NEO1: variants seen among roughly 807,000 people sequenced by gnomAD.
NEO1 encodes the protein neogenin.
In NEO1, 63 loss-of-function variants were observed where a neutral mutation model predicts 159.7. The observed-to-expected ratio is 0.39, with a 90% CI of 0.32 to 0.49. The LOEUF (loss-of-function observed/expected upper bound fraction) is 0.49, where lower values mean the gene tolerates loss of function less well. NEO1 is among the 20% of genes least tolerant of loss of function. The probability of loss-of-function intolerance (pLI) is 0.85; values close to 1 mark genes in which losing one functional copy is unlikely to be tolerated. For missense variants in NEO1, 1,615 were observed against 1,831.0 expected (o/e 0.88, Z 2.15); for synonymous variants, 633 against 662.0 (o/e 0.96, Z 0.67).
In NEO1 at chr15:73,293,564, C is replaced by G. The variant is rs1418387622; in HGVS notation, c.3901+16C>G. Reference sequence around the variant, plus strand: ...AATTCCACAGGTGAGAGATGAGGATCAAGCCCAGATGGAAACCATTCCAAA... The same window carrying G: ...AATTCCACAGGTGAGAGATGAGGATGAAGCCCAGATGGAAACCATTCCAAA... On this transcript the variant is annotated intron_variant, in intron 26 of 28. Transcript: ENST00000261908. The G allele has an allele frequency of 6.2e-7, 1 of 1,610,560 alleles. No individual in the cohort carries two copies. Among genetic ancestry groups the G allele is most frequent in the Admixed American group, 1.7e-5 (1 of 59,780 alleles).
intron 9 of NEO1, among the ~76,000 whole-genome samples, chr15:73,246,317 A>G (rs1255412101): frequency 6.6e-6 from 1 of 152,176 alleles, no homozygotes; most frequent in African/African-American, 2.4e-5. Context: ...CAAGAACAAG[A>G]GGGCCATCAC....
chr15:73,286,264 G>C (rs1046928573), intron 23 of NEO1, among the ~76,000 whole-genome samples: 1 of 152,196 alleles, frequency 6.6e-6, no homozygotes, highest in Non-Finnish European at 1.5e-5. Flanking sequence ...CCAGCGACCT[G>C]TGTATTGCTA....
At position 73,270,144 on chromosome 15, in the gene NEO1, A is replaced by C; in HGVS notation, c.2629A>C (p.Asn877His). 1 of 1,614,190 alleles carries C rather than the reference A, an allele frequency of 6.2e-7. No homozygotes were observed. The highest frequency in any genetic ancestry group is 1.3e-5 in the African/African-American group (1 of 75,040). The change falls in exon 17 of 29, where the codon AAC becomes CAC. Residue 877 changes from asparagine to histidine, a missense_variant. Around this residue, in one of 3 missense-constraint regions of NEO1, gnomAD observed 1,018 missense variants for 1,115.4 expected, o/e 0.91. Coordinates refer to ENST00000261908, the MANE Select transcript of NEO1 (RefSeq NM_002499.4). ...HDTIRITWAD[N>H]SLPKHQKITD... ...CACCATCAGGATTACGTGGGCAGAC[A>C]ACTCGCTGCCCAAGCACCAGAAGAT...
chr15:73,302,682 A>G lies in NEO1; in HGVS notation c.4372A>G (p.Ile1458Val), dbSNP rs754500392. 2 of 1,614,048 alleles carry G rather than the reference A, an allele frequency of 1.2e-6. No individual in the cohort carries two copies. The highest frequency in any genetic ancestry group is 1.7e-5 in the Admixed American group (1 of 60,006). ...AGGACTAATGAAGGACCTAAACGCTATCACAACAGCATGACGACCTTCACC... is the reference window on the plus strand; with the variant it reads ...AGGACTAATGAAGGACCTAAACGCTGTCACAACAGCATGACGACCTTCACC... Reference protein sequence around the residue: ...LEGLMKDLNAITTA With the variant: ...LEGLMKDLNAVTTA Residue 1458 changes from isoleucine to valine, a missense_variant, in exon 29 of 29, where the codon ATC (isoleucine) becomes GTC (valine). Physicochemically the swap from Ile to Val is conservative, Grantham distance 29 (BLOSUM62 3). Around this residue, in one of 3 missense-constraint regions of NEO1, gnomAD observed 471 missense variants for 498.9 expected, o/e 0.94. Transcript: ENST00000261908.
In NEO1 at chr15:73,293,453, G is replaced by A; in HGVS notation, c.3806G>A (p.Ser1269Asn). The change falls in exon 26 of 29, where the codon AGC becomes AAC. Residue 1269 changes from serine to asparagine, a missense_variant. Physicochemically the swap from Ser to Asn is conservative, Grantham distance 46. Transcript: ENST00000261908. ...DNPHHHFHSS[S>N]LASPARSHLY... ...CCTCACCATCATTTCCACTCCAGCA[G>A]CCTCGCTTCTCCAGCTCGCAGTCAT... 4 of 1,614,158 alleles carry A rather than the reference G, an allele frequency of 2.5e-6. No individual in the cohort carries two copies. In the East Asian group the frequency reaches 8.9e-5, roughly 36 times the overall value.
chr15:73,245,548 A>G (rs1232220638), intron 9 of NEO1, among the ~76,000 whole-genome samples: 3 of 151,608 alleles, frequency 2.0e-5, no homozygotes, highest in Non-Finnish European at 4.4e-5. Context: ...CTTTCTTTTA[A>G]CACAAATTAC....
intron 1 of NEO1, among the ~76,000 whole-genome samples, chr15:73,059,121 C>T (rs1363025865): frequency 6.6e-6 from 1 of 152,010 alleles, no homozygotes; most frequent in East Asian, 1.9e-4. Flanking sequence ...TACAGTATTA[C>T]CAGAAATATT....
chr15:73,249,448 A>G, intron 10 of NEO1, 135 bp from the exon 11 acceptor site: 1 of 1,032,720 alleles, frequency 9.7e-7, no homozygotes, highest in South Asian at 1.8e-5. Flanking sequence ...ATCTGCTTTG[A>G]CTATTGAAGA....
intron 5 of NEO1, among the ~76,000 whole-genome samples, chr15:73,174,898 A>G (rs1358865809): frequency 6.6e-6 from 1 of 152,176 alleles, no homozygotes; most frequent in Non-Finnish European, 1.5e-5. Context: ...GTACAGATTT[A>G]TGTTTTCTGG....
chr15:73,227,108 G>A (rs78275740), intron 7 of NEO1, among the ~76,000 whole-genome samples: 8,545 of 152,260 alleles, frequency 0.056, 308 homozygotes, highest in Non-Finnish European at 0.066. Flanking sequence ...CAAATCTAAT[G>A]TATTGAAACT....
chr15:73,176,062 TA>T (rs996804280), intron 5 of NEO1, among the ~76,000 whole-genome samples: 12 of 152,194 alleles, frequency 7.9e-5, no homozygotes, highest in African/African-American at 2.2e-4. Flanking sequence ...TTATAGCTCT[TA>T]AAAAATGGTA....
At chr15:73,164,036 T>C (rs201583057) in intron 5 of NEO1, among the ~76,000 whole-genome samples, 1 of 149,668 alleles carries the variant, frequency 6.7e-6, no homozygotes, top group African/African-American at 2.5e-5. Context: ...TTTTTTTTCT[T>C]ATTTTTTTTG....
intron 26 of NEO1, among the ~76,000 whole-genome samples, chr15:73,295,147 A>ATATATATATATATATATATATATAT (rs1238740275): frequency 6.0e-5 from 6 of 100,566 alleles, no homozygotes; most frequent in Non-Finnish European, 6.9e-5. Flanking sequence ...TATATATGTA[A>ATATATATATATATATATATATATAT]AAATTTGGCC....
chr15:73,224,226 C>T (rs2038448667), intron 7 of NEO1, among the ~76,000 whole-genome samples: 1 of 152,136 alleles, frequency 6.6e-6, no homozygotes, highest in Non-Finnish European at 1.5e-5. Context: ...TCTCACAGCT[C>T]TTAAGATTCT....
chr15:73,211,978 C>A (rs114775948), intron 7 of NEO1, among the ~76,000 whole-genome samples: 13 of 152,154 alleles, frequency 8.5e-5, no homozygotes, highest in Non-Finnish European at 1.8e-4. Context: ...TTTGTGATTA[C>A]ATTGAGGTTA....
intron 1 of NEO1, among the ~76,000 whole-genome samples, chr15:73,070,424 C>G (rs2068473527): frequency 6.6e-6 from 1 of 152,146 alleles, no homozygotes; most frequent in Non-Finnish European, 1.5e-5. Flanking sequence ...GTAGATATAA[C>G]TCATGTGAGT....
chr15:73,146,144 A>G (rs1455690874), intron 5 of NEO1, among the ~76,000 whole-genome samples: 2 of 152,144 alleles, frequency 1.3e-5, no homozygotes, highest in African/African-American at 4.8e-5. Flanking sequence ...CATGTATTTT[A>G]TACATTATCT....
chr15:73,237,316 G>T (rs190867490), intron 8 of NEO1, among the ~76,000 whole-genome samples: 2 of 152,144 alleles, frequency 1.3e-5, no homozygotes, highest in Non-Finnish European at 2.9e-5. Flanking sequence ...GGTAATATGT[G>T]ATATTTTACT....
chr15:73,199,403 A>G (rs2036733533), intron 7 of NEO1, among the ~76,000 whole-genome samples: 1 of 152,036 alleles, frequency 6.6e-6, no homozygotes, highest in South Asian at 2.1e-4. Flanking sequence ...TATACTTTGG[A>G]AAAAAGTCAT....
Sources: allele counts gnomAD v4.1 joint callset (sites outside exome capture counted in the v4.1 genomes callset), GRCh38; gene constraint gnomAD v4.1.1; regional missense constraint gnomAD v4.1.1; transcripts MANE v1.5; gene names NCBI Gene and HGNC (gene_info 2026-07-23, HGNC 2026-07-21).